Variants in KIAA1755 observed in about 807,000 individuals in gnomAD.
The protein encoded by KIAA1755 is KIAA1755, also known as uncharacterized protein KIAA1755.
In KIAA1755, 68 loss-of-function variants were observed where a neutral mutation model predicts 91.7. The observed-to-expected ratio is 0.74, with a 90% CI of 0.61 to 0.91. The LOEUF is 0.91. KIAA1755 is among the 40% of genes least tolerant of loss of function. The pLI is 0.00. For synonymous variants in KIAA1755, 610 were observed against 604.6 expected (o/e 1.01, Z -0.13); for missense variants, 1,535 against 1,494.4 (o/e 1.03, Z -0.45).
chr20:38,216,719 GAAC>G, intron 13 of KIAA1755: 3 of 418,900 alleles, frequency 7.2e-6, no homozygotes, highest in Non-Finnish European at 9.6e-6. Flanking sequence ...TGTAAAATGG[GAAC>G]AACATTGGTT....
rs750854062 is a variant in KIAA1755, at chr20:38,241,631, A to G, written c.500T>C (p.Val167Ala). 3.6e-5 allele frequency: 58 copies of G among 1,614,124 alleles called. No individual in the cohort carries two copies. Among genetic ancestry groups the G allele is most frequent in the Non-Finnish European group, 4.8e-5 (57 of 1,180,054 alleles). The change falls in exon 3 of 14, where the codon GTA (valine) becomes GCA (alanine). Residue 167 changes from valine (V) to alanine (A), a missense_variant. Transcript: ENST00000279024. ...AGGGGCAATCCCATTTTCTGATGCTACCAAGCAGTTGTGTAGGGGATTTCC... is the reference window on the plus strand; with the variant it reads ...AGGGGCAATCCCATTTTCTGATGCTGCCAAGCAGTTGTGTAGGGGATTTCC... ...FEGNPLHNCL[V>A]ASENGIAPVP...
At chr20:38,259,156 C>G (rs2076391281) in intron 1 of KIAA1755, among the ~76,000 whole-genome samples, 1 of 152,144 alleles carries the variant, frequency 6.6e-6, no homozygotes, top group South Asian at 2.1e-4. Context: ...TTACTGACTC[C>G]TGGATGTAAA....
At chr20:38,256,790 G>A (rs776995596) in intron 1 of KIAA1755, among the ~76,000 whole-genome samples, 14 of 152,110 alleles carry the variant, frequency 9.2e-5, no homozygotes, top group Non-Finnish European at 1.3e-4. Flanking sequence ...CCAGGTGATG[G>A]AGCGAGACCC....
chr20:38,217,197 C>T, intron 13 of KIAA1755, 56 bp downstream of exon 13: 1 of 1,462,214 alleles, frequency 6.8e-7, no homozygotes, highest in Non-Finnish European at 9.3e-7. Flanking sequence ...CTGTCCCCAC[C>T]ATAGCCCCAG....
chr20:38,242,194 C>T (rs1430429157), intron 2 of KIAA1755, among the ~76,000 whole-genome samples: 1 of 152,176 alleles, frequency 6.6e-6, no homozygotes, highest in Non-Finnish European at 1.5e-5. Flanking sequence ...TCGGCTTTCC[C>T]AAGTGGTCCC....
intron 1 of KIAA1755, among the ~76,000 whole-genome samples, chr20:38,248,903 C>A (rs2076201563): frequency 6.6e-6 from 1 of 151,868 alleles, no homozygotes; most frequent in Non-Finnish European, 1.5e-5. Context: ...AAGACAAGAT[C>A]TTGCTCTGTT....
chr20:38,248,166 T>C (rs1257234677), intron 1 of KIAA1755, among the ~76,000 whole-genome samples: 1 of 152,062 alleles, frequency 6.6e-6, no homozygotes, highest in African/African-American at 2.4e-5. Context: ...GAGATGGAGG[T>C]TTCAGTGAGC....
intron 2 of KIAA1755, among the ~76,000 whole-genome samples, chr20:38,244,852 T>C (rs1205437): frequency 0.36 from 54,903 of 151,988 alleles, 10,051 homozygotes; most frequent in Middle Eastern, 0.53. Flanking sequence ...CTCAGCCTCC[T>C]GAGTAGCTGG....
chr20:38,247,987 G>A (rs2076186109), intron 1 of KIAA1755, among the ~76,000 whole-genome samples: 1 of 152,178 alleles, frequency 6.6e-6, no homozygotes, highest in African/African-American at 2.4e-5. Context: ...CAGCACTTTG[G>A]GAGGCTGAGG....
intron 13 of KIAA1755, among the ~76,000 whole-genome samples, chr20:38,214,698 C>T (rs930286425): frequency 6.6e-6 from 1 of 152,212 alleles, no homozygotes; most frequent in African/African-American, 2.4e-5. Context: ...ACACCAGGCC[C>T]GCAGGCCCCC....
Position 38,241,709 on chromosome 20 carries a change from T to A in KIAA1755, c.422A>T (p.Tyr141Phe). The A allele has an allele frequency of 6.2e-7, 1 of 1,614,174 alleles. No individual in the cohort carries two copies. ...CCATTCTTGGGTGAAAAGTATAGGG[T>A]AGGCTGGCTCTGGAACAGGCTTCTT... ...VDKKPVPEPA[Y>F]PILFTQEWLE... is the part of the protein sequence containing the mutation. The change falls in exon 3 of 14, where the codon TAC becomes TTC. Residue 141 changes from tyrosine (Y) to phenylalanine (F), a missense_variant. By Grantham distance (22) the Tyr-to-Phe change is conservative (BLOSUM62 3). Transcript: ENST00000279024.
chr20:38,256,166 G>A (rs764428929), intron 1 of KIAA1755, among the ~76,000 whole-genome samples: 7 of 152,130 alleles, frequency 4.6e-5, no homozygotes, highest in Non-Finnish European at 8.8e-5. Context: ...CTTTCCCCGG[G>A]CTCCCTGCTA....
chr20:38,235,740 TG>T (rs1227660377), intron 4 of KIAA1755, among the ~76,000 whole-genome samples: 1 of 152,226 alleles, frequency 6.6e-6, no homozygotes, highest in East Asian at 1.9e-4. Flanking sequence ...ATAATACATT[TG>T]TGTTGTTTTA....
At position 38,246,062 on chromosome 20, in the gene KIAA1755, G is replaced by A; in HGVS notation, c.68C>T (p.Ala23Val). The A allele has an allele frequency of 6.2e-7, 1 of 1,614,124 alleles. No homozygotes were observed. Among genetic ancestry groups the A allele is most frequent in the Non-Finnish European group, 8.5e-7 (1 of 1,180,006 alleles). The change falls in exon 2 of 14, where the codon GCC becomes GTC. Residue 23 changes from alanine (A) to valine (V), a missense_variant. Physicochemically the swap from Ala to Val is moderately conservative, Grantham distance 64 (BLOSUM62 0). Transcript: ENST00000279024. ...CTGACCCAGGACGGTGGGTGCTGTG[G>A]CCTCGAAAGGAGGATAGAGGCCCGC... The part of the protein sequence containing the change: ...ALAGLYPPFE[A>V]TAPTVLGQVF...
intron 6 of KIAA1755, among the ~76,000 whole-genome samples, chr20:38,227,631 G>A (rs1481951201): frequency 1.3e-5 from 2 of 152,216 alleles, no homozygotes; most frequent in Non-Finnish European, 2.9e-5. Flanking sequence ...CTAAGTCTGA[G>A]CCAATCAGTG....
At chr20:38,213,970 G>A (rs956698148) in intron 13 of KIAA1755, among the ~76,000 whole-genome samples, 3 of 87,354 alleles carry the variant, frequency 3.4e-5, no homozygotes, top group Admixed American at 3.4e-4. Flanking sequence ...TTTTTTTTTT[G>A]AGATGGAGTC....
intron 1 of KIAA1755, among the ~76,000 whole-genome samples, chr20:38,254,687 G>A (rs2076308692): frequency 6.6e-6 from 1 of 151,862 alleles, no homozygotes; most frequent in Admixed American, 6.6e-5. Flanking sequence ...TTTAGGCACT[G>A]AGACAGAAGG....
chr20:38,223,549 C>G lies in KIAA1755; in HGVS notation c.2257G>C (p.Gly753Arg). The G allele has an allele frequency of 1.9e-6, 3 of 1,595,316 alleles. No homozygotes were observed. The highest frequency in any genetic ancestry group is 1.8e-5 in the Admixed American group (1 of 56,882). The change falls in exon 9 of 14, where the codon GGG (glycine) becomes CGG (arginine). Residue 753 changes from glycine to arginine, a missense_variant. Transcript: ENST00000279024. ...IEEFEKADPPGGMQEATRCLS... is the reference protein window; with the variant it reads ...IEEFEKADPPRGMQEATRCLS... ...TGCTCCAGGCTCACCTGCATCCCCC[C>G]AGGGGGGTCGGCCTTCTCGAATTCC...
At chr20:38,247,603 A>G (rs1692480798) in intron 1 of KIAA1755, among the ~76,000 whole-genome samples, 1 of 152,222 alleles carries the variant, frequency 6.6e-6, no homozygotes, top group Non-Finnish European at 1.5e-5. Flanking sequence ...AATGACCTCC[A>G]ATGACGCCCT....
Sources: gnomAD v4.1 joint callset for allele counts (sites outside exome capture counted in the v4.1 genomes callset) on GRCh38, gnomAD v4.1.1 for gene constraint, MANE v1.5 for transcripts, NCBI Gene and HGNC (gene_info 2026-07-23, HGNC 2026-07-21) for gene names.